Variants in CSMD1 observed in about 807,000 individuals in gnomAD.
CSMD1 encodes the protein CUB and Sushi multiple domains 1.
CSMD1 carries 213 observed loss-of-function variants against 417.5 expected under a neutral mutation model. The observed-to-expected ratio is 0.51, with a 90% CI of 0.46 to 0.57. The LOEUF (loss-of-function observed/expected upper bound fraction) is 0.57. Ranked by LOEUF, CSMD1 falls within the 20% of genes least tolerant of loss-of-function variation. CSMD1 has a pLI of 0.00. For synonymous variants in CSMD1, 2,862 were observed against 1,736.8 expected (o/e 1.65, Z -16.11); for missense variants, 6,923 against 4,529.7 (o/e 1.53, Z -15.17).
intron 7 of CSMD1, chr8:3,700,638 A>G (rs781129018): frequency 6.6e-6 from 1 of 152,148 alleles, no homozygotes; most frequent in African/African-American, 2.4e-5. Flanking sequence ...AGAGAAAGCG[A>G]ATTTTAAGAA....
chr8:3,218,284 G>A lies in CSMD1; in HGVS notation c.4672+971C>T, dbSNP rs138791120. Among the ~76,000 whole-genome samples the A allele has an allele frequency of 6.8e-3, 1,038 of 152,304 alleles. 2 individuals carry two copies. Among genetic ancestry groups the A allele is most frequent in the Non-Finnish European group, 0.011 (719 of 68,026 alleles). Reference sequence around the variant, plus strand: ...TTGAGATAAAATGAAGTTATTGGCCGGGCGCGGTGGCTCACGCCTGTAATC... The same window carrying A: ...TTGAGATAAAATGAAGTTATTGGCCAGGCGCGGTGGCTCACGCCTGTAATC... On this transcript the variant is annotated intron_variant, in intron 29 of 69. Transcript: ENST00000635120.
At chr8:3,350,965 A>G (rs1198052969) in intron 21 of CSMD1, among the ~76,000 whole-genome samples, 1 of 152,238 alleles carries the variant, frequency 6.6e-6, no homozygotes, top group African/African-American at 2.4e-5. Flanking sequence ...GACCCTGTAT[A>G]GACAGACAAT....
At chr8:3,303,075 T>A (rs749490954) in intron 25 of CSMD1, among the ~76,000 whole-genome samples, 8 of 152,202 alleles carry the variant, frequency 5.3e-5, no homozygotes, top group Non-Finnish European at 1.2e-4. Flanking sequence ...CTTAAATTGT[T>A]ATTTCTTTGT....
chr8:3,048,240 A>C (rs989128799), intron 50 of CSMD1, among the ~76,000 whole-genome samples: 4 of 152,224 alleles, frequency 2.6e-5, no homozygotes, highest in African/African-American at 9.6e-5. Context: ...TCTTGTAGGA[A>C]ACTGGGAGAT....
At chr8:4,710,914 G>A (rs185101438) in intron 1 of CSMD1, among the ~76,000 whole-genome samples, 139 of 151,726 alleles carry the variant, frequency 9.2e-4, no homozygotes, top group Non-Finnish European at 1.4e-3. Context: ...CTAGAAAATG[G>A]CCTGAGTCCA....
intron 1 of CSMD1, among the ~76,000 whole-genome samples, chr8:4,741,643 G>T (rs1433002654): frequency 6.6e-6 from 1 of 152,122 alleles, no homozygotes; most frequent in East Asian, 1.9e-4. Flanking sequence ...ACACACACGA[G>T]TTTACTTAGG....
intron 3 of CSMD1, among the ~76,000 whole-genome samples, chr8:4,092,844 G>C (rs995715319): frequency 3.3e-5 from 5 of 152,016 alleles, no homozygotes; most frequent in African/African-American, 1.2e-4. Flanking sequence ...GCACTTTGCT[G>C]GTTGAATAAT....
intron 36 of CSMD1, among the ~76,000 whole-genome samples, chr8:3,182,513 C>T (rs557419645): frequency 3.9e-5 from 6 of 151,938 alleles, no homozygotes; most frequent in Non-Finnish European, 7.4e-5. Flanking sequence ...CTGCACCCGG[C>T]CCCCAAGAGA....
rs955221667 is a variant in CSMD1 at position 3,126,984 on chromosome 8, T to C, written c.6242-8397A>G. ...AACGTCAGCTTTTGGTTCAGAGGAA[T>C]GGATCATTTAAAGGAGAAGGTGAGA... On this transcript the variant is annotated intron_variant, in intron 41 of 69. Transcript: ENST00000635120. Among the ~76,000 whole-genome samples the C allele has an allele frequency of 3.3e-5, 5 of 152,266 alleles. No individual in the cohort carries two copies. The South Asian group carries it at 8.3e-4, about 25-fold the overall frequency.
At chr8:3,602,020 G>T (rs960777511) in intron 8 of CSMD1, among the ~76,000 whole-genome samples, 1 of 152,074 alleles carries the variant, frequency 6.6e-6, no homozygotes, top group Non-Finnish European at 1.5e-5. Context: ...TGGCTTTATG[G>T]GTATGGAGTT....
At chr8:3,580,656 C>A (rs1800343764) in intron 9 of CSMD1, among the ~76,000 whole-genome samples, 1 of 152,138 alleles carries the variant, frequency 6.6e-6, no homozygotes, top group South Asian at 2.1e-4. Context: ...AGTCAGGAAA[C>A]AGCAGCAGAA....
chr8:4,451,812 G>C (rs1306818738), intron 2 of CSMD1, among the ~76,000 whole-genome samples: 1 of 151,920 alleles, frequency 6.6e-6, no homozygotes, highest in East Asian at 1.9e-4. Context: ...TAAAGGATGG[G>C]CTCTTACCAC....
At chr8:3,242,793 G>A (rs1467161709) in intron 26 of CSMD1, among the ~76,000 whole-genome samples, 1 of 147,592 alleles carries the variant, frequency 6.8e-6, no homozygotes, top group Non-Finnish European at 1.5e-5. Context: ...AGACAAGCGG[G>A]AAAGGGGTTG....
At chr8:4,306,119 G>C (rs1798229342) in intron 3 of CSMD1, among the ~76,000 whole-genome samples, 1 of 152,138 alleles carries the variant, frequency 6.6e-6, no homozygotes, top group South Asian at 2.1e-4. Context: ...TTAAATAGTT[G>C]GTAATGAATA....
chr8:3,132,980 T>TCAC (rs1195863289), intron 41 of CSMD1, among the ~76,000 whole-genome samples: 1 of 152,180 alleles, frequency 6.6e-6, no homozygotes. Context: ...GCCGCTCCGT[T>TCAC]CACCTGGGAG....
chr8:3,051,947 G>A (rs866025611), intron 50 of CSMD1, among the ~76,000 whole-genome samples: 1 of 152,044 alleles, frequency 6.6e-6, no homozygotes, highest in Non-Finnish European at 1.5e-5. Flanking sequence ...TAGCTTTCTC[G>A]AAAACTTACC....
chr8:2,940,324 G>A (rs1170211443), intron 69 of CSMD1, among the ~76,000 whole-genome samples: 1 of 152,170 alleles, frequency 6.6e-6, no homozygotes, highest in Non-Finnish European at 1.5e-5. Context: ...GGATTGAGAA[G>A]TCACAGTGGC....
chr8:3,541,492 C>G (rs1156339229), intron 10 of CSMD1, among the ~76,000 whole-genome samples: 2 of 151,404 alleles, frequency 1.3e-5, no homozygotes, highest in East Asian at 3.9e-4. Flanking sequence ...ACCGAAATAA[C>G]AAATCTGCAC....
chr8:4,384,911 G>A (rs1295614291), intron 3 of CSMD1, among the ~76,000 whole-genome samples: 2 of 152,150 alleles, frequency 1.3e-5, no homozygotes, highest in African/African-American at 4.8e-5. Context: ...GTGGCTGGAT[G>A]GCTTCCAGAT....
Sources: gnomAD v4.1 joint callset for allele counts (sites outside exome capture counted in the v4.1 genomes callset) on GRCh38, gnomAD v4.1.1 for gene constraint, MANE v1.5 for transcripts, NCBI Gene and HGNC (gene_info 2026-07-23, HGNC 2026-07-21) for gene names.